The following LRWD1 variants were observed in gnomAD, a reference collection of about 807,000 sequenced individuals.
LRWD1 encodes leucine rich repeats and WD repeat domain containing 1, also known as leucine-rich repeat and WD repeat-containing protein 1.
A neutral mutation model predicts 75.6 loss-of-function variants in LRWD1; 76 were observed. The observed-to-expected ratio is 1.01, with a 90% CI of 0.84 to 1.22. The LOEUF is 1.22. LRWD1 is among the 50% of genes most tolerant of loss of function. The probability of loss-of-function intolerance (pLI) is 0.00; values close to 1 mark genes in which losing one functional copy is unlikely to be tolerated. For synonymous variants in LRWD1, 487 were observed against 377.0 expected (o/e 1.29, Z -3.38); for missense variants, 917 against 862.0 (o/e 1.06, Z -0.80).
rs1798058605 is a variant in LRWD1, at chr7:102,467,800, G to A, written c.655G>A (p.Ala219Thr). Residue 219 changes from alanine to threonine, a missense_variant, in exon 5 of 15, where the codon GCT becomes ACT. Ala to Thr is a moderately conservative substitution (Grantham distance 58, BLOSUM62 0). Coordinates refer to ENST00000292616, the MANE Select transcript of LRWD1 (RefSeq NM_152892.3). ...KANSPEKPPE[A>T]GAAHKPRARL... is the part of the protein sequence containing the mutation. Reference sequence around the variant, plus strand: ...TAACAGCCCAGAGAAGCCCCCAGAAGCTGGAGCTGCCCACAAGCCCAGGGT... The same window carrying A: ...TAACAGCCCAGAGAAGCCCCCAGAAACTGGAGCTGCCCACAAGCCCAGGGT... 1 of 1,550,734 alleles carries A rather than the reference G, an allele frequency of 6.4e-7. No homozygotes were observed. The highest frequency in any genetic ancestry group is 1.2e-5 in the South Asian group (1 of 84,022).
intron 1 of LRWD1, 114 bp from the exon 2 acceptor site, chr7:102,465,703 C>A: frequency 4.2e-6 from 3 of 719,702 alleles, no homozygotes; most frequent in South Asian, 1.7e-5. Flanking sequence ...ATGGGCGGGG[C>A]GGCTACACTT....
In LRWD1 at chr7:102,472,978, G is replaced by A. The variant is rs763680178; in HGVS notation, c.1873G>A (p.Ala625Thr). 5.0e-6 allele frequency: 8 copies of A among 1,613,980 alleles called. No individual in the cohort carries two copies. Among genetic ancestry groups the A allele is most frequent in the East Asian group, 2.2e-5 (1 of 44,890 alleles). Residue 625 changes from alanine to threonine, a missense_variant, in exon 15 of 15, where the codon GCC (alanine) becomes ACC (threonine). Coordinates refer to ENST00000292616, the MANE Select transcript of LRWD1 (RefSeq NM_152892.3). ...CAAGACCATGGTGAACACAGTGGTG[G>A]CCAATGCCTCCTTCACCTACCTCAC... is the stretch of plus-strand genomic sequence containing the variant. ...VTKTMVNTVV[A>T]NASFTYLTAL...
intron 11 of LRWD1, 48 bp from the exon 12 acceptor site, chr7:102,472,168 GCT>G (rs755340945): frequency 6.6e-7 from 1 of 1,525,986 alleles, no homozygotes; most frequent in South Asian, 1.2e-5. Context: ...TGAGTGGGCA[GCT>G]CTCTATCTGC....
rs751790223 is a variant in LRWD1, at chr7:102,468,389, C to T, written c.919+12C>T. 54 of 1,591,056 alleles carry T rather than the reference C, an allele frequency of 3.4e-5. No homozygotes were observed. Among genetic ancestry groups the T allele is most frequent in the African/African-American group, 1.1e-4 (8 of 74,694 alleles). On this transcript the variant is annotated intron_variant, in intron 7 of 14. Coordinates refer to ENST00000292616, the MANE Select transcript of LRWD1 (RefSeq NM_152892.3). Reference sequence around the variant, plus strand: ...GGCCTGGGAGGAGGGTACATGGTGGCGGGCAGGCGGGGCAAGGGCCGCTGG... The same window carrying T: ...GGCCTGGGAGGAGGGTACATGGTGGTGGGCAGGCGGGGCAAGGGCCGCTGG...
chr7:102,472,732 G>A lies in LRWD1; in HGVS notation c.1731G>A (p.Val577=). The change falls in exon 14 of 15, where the codon GTG becomes GTA. Residue 577 remains valine (V), a synonymous_variant. Coordinates refer to ENST00000292616, the MANE Select transcript of LRWD1 (RefSeq NM_152892.3). ...TCTGTGGGGATGAGGAGGGCAACGT[G>A]TGGCTCTACGACGTCAGCAACATCC... The part of the protein sequence containing the change: ...IVLCGDEEGN[V]WLYDVSNILK... 6.2e-7 allele frequency: 1 copy of A among 1,613,552 alleles called. No homozygotes were observed. Among genetic ancestry groups the A allele is most frequent in the Non-Finnish European group, 8.5e-7 (1 of 1,179,962 alleles).
rs866927092 is a variant in LRWD1, at chr7:102,469,490, C to G, written c.1229-84C>G. On this transcript the variant is annotated intron_variant, in intron 9 of 14. Coordinates refer to ENST00000292616, the MANE Select transcript of LRWD1 (RefSeq NM_152892.3). ...GCCTCGGAGGGGCTGGCCTTGGGAC[C>G]GTGGGCTCAGCCTGGGATGCAGCCA... 10 of 1,525,244 alleles carry G rather than the reference C, an allele frequency of 6.6e-6. No homozygotes were observed. In the Middle Eastern group the frequency reaches 6.9e-4, roughly 105 times the overall value. 94.5% of individuals were successfully genotyped at this position (1,525,244 alleles called of 1,614,324 possible).
chr7:102,469,631 A>G lies in LRWD1; in HGVS notation c.1286A>G (p.Tyr429Cys), dbSNP rs772001352. Reference protein sequence around the residue: ...LWDIGVPNQDYEFQASQLLTL... With the variant: ...LWDIGVPNQDCEFQASQLLTL... Reference sequence around the variant, plus strand: ...GACATCGGGGTGCCCAACCAGGACTACGAATTCCAGGCCAGGTGATGCTTC... The same window carrying G: ...GACATCGGGGTGCCCAACCAGGACTGCGAATTCCAGGCCAGGTGATGCTTC... Residue 429 changes from tyrosine (Y) to cysteine (C), a missense_variant, in exon 10 of 15, where the codon TAC becomes TGC. Coordinates refer to ENST00000292616, the MANE Select transcript of LRWD1 (RefSeq NM_152892.3). 1.2e-6 allele frequency: 2 copies of G among 1,614,164 alleles called. No individual in the cohort carries two copies. Among genetic ancestry groups the G allele is most frequent in the Non-Finnish European group, 1.7e-6 (2 of 1,179,998 alleles).
rs150396748 is a variant in LRWD1 at position 102,473,005 on chromosome 7, G to A, written c.1900G>A (p.Ala634Thr). The A allele has an allele frequency of 5.5e-5, 89 of 1,613,818 alleles. No individual in the cohort carries two copies. The Admixed American group carries it at 1.1e-3, about 19-fold the overall frequency. ...VANASFTYLT[A>T]LTDSNIVAIW... The stretch of plus-strand genomic sequence containing the variant: ...CAATGCCTCCTTCACCTACCTCACC[G>A]CCCTGACGGACTCCAACATCGTAGC... Residue 634 changes from alanine to threonine, a missense_variant, in exon 15 of 15, where the codon GCC (alanine) becomes ACC (threonine). Coordinates refer to ENST00000292616, the MANE Select transcript of LRWD1 (RefSeq NM_152892.3).
At chr7:102,469,177 A>G in intron 9 of LRWD1, 115 bp downstream of exon 9, 2 of 887,456 alleles carry the variant, frequency 2.3e-6, no homozygotes, top group South Asian at 3.5e-5. Context: ...GCCGGGCCCC[A>G]GTCTGCACCG....
At chr7:102,467,862 C>T (rs1244440230) in intron 5 of LRWD1, 39 bp downstream of exon 5, 1 of 1,541,526 alleles carries the variant, frequency 6.5e-7, no homozygotes, top group East Asian at 2.5e-5. Flanking sequence ...CAGCCCAGTC[C>T]CTCCTCCCTG....
chr7:102,471,407 G>A (rs1054135170), intron 11 of LRWD1: 1 of 154,436 alleles, frequency 6.5e-6, no homozygotes, highest in Non-Finnish European at 1.5e-5. Context: ...AACAGCCCAG[G>A]AGGAGCTTCG....
intron 3 of LRWD1, among the ~76,000 whole-genome samples, 168 bp from the exon 4 acceptor site, chr7:102,467,171 G>GGGGTGTGT (rs1245223810): frequency 4.0e-5 from 4 of 99,116 alleles, no homozygotes; most frequent in African/African-American, 8.8e-5. Flanking sequence ...GTGTGTGTGG[G>GGGGTGTGT]GTGTGTGTGT....
rs1428323338 is a variant in LRWD1 at position 102,469,465 on chromosome 7, G to A, written c.1229-109G>A. On this transcript the variant is annotated intron_variant, in intron 9 of 14. Coordinates refer to ENST00000292616, the MANE Select transcript of LRWD1 (RefSeq NM_152892.3). The stretch of plus-strand genomic sequence containing the variant: ...CTCCTAGCCTCGGCCCGCCCTCCCC[G>A]CCTCGGAGGGGCTGGCCTTGGGACC... The A allele has an allele frequency of 2.8e-5, 36 of 1,283,744 alleles. No homozygotes were observed. In the Admixed American group the frequency reaches 3.7e-4, roughly 13 times the overall value. 79.5% of individuals were successfully genotyped at this position (1,283,744 alleles called of 1,614,324 possible).
At chr7:102,468,211 G>C (rs1157240062) in intron 6 of LRWD1, 24 bp downstream of exon 6, 1 of 1,604,498 alleles carries the variant, frequency 6.2e-7, no homozygotes. Context: ...GCAAGGAGCA[G>C]GTGGCAGATG....
chr7:102,471,924 G>C, intron 11 of LRWD1: 1 of 390,244 alleles, frequency 2.6e-6, no homozygotes, highest in Non-Finnish European at 4.8e-6. Context: ...CTCGGTCCCA[G>C]AGGCACTGGC....
intron 3 of LRWD1, 61 bp from the exon 4 acceptor site, chr7:102,467,278 G>A: frequency 6.5e-7 from 1 of 1,536,226 alleles, no homozygotes; most frequent in Non-Finnish European, 8.8e-7. Flanking sequence ...CCCTGAGATG[G>A]AGGGCTGGGT....
intron 1 of LRWD1, 60 bp downstream of exon 1, chr7:102,465,220 C>A: frequency 7.4e-7 from 1 of 1,359,846 alleles, no homozygotes; most frequent in South Asian, 1.7e-5. Flanking sequence ...GGGAGAAGAG[C>A]GGGGACCCTC....
At position 102,467,070 on chromosome 7, in the gene LRWD1, G is replaced by GGTGTGTGTGTGT. The variant is rs59522694; in HGVS notation, c.433-254_433-243dup. ...GACTATAGGCACCTGGGTTGTTGCT[G>GGTGTGTGTGTGT]GTGTGTGTGTGTGTGTGTGTGTGTG... On this transcript the variant is annotated intron_variant, in intron 3 of 14. Coordinates refer to ENST00000292616, the MANE Select transcript of LRWD1 (RefSeq NM_152892.3). Among the ~76,000 whole-genome samples the GGTGTGTGTGTGT allele has an allele frequency of 6.1e-4, 81 of 133,588 alleles. 2 individuals are homozygous for GGTGTGTGTGTGT. Among genetic ancestry groups the GGTGTGTGTGTGT allele is most frequent in the African/African-American group, 1.7e-3 (59 of 34,844 alleles). The allele number at this position is 133,588 out of a possible 152,430, so 87.6% of individuals were successfully genotyped here.
Position 102,465,917 on chromosome 7 carries a change from A to G in LRWD1, c.181A>G (p.Thr61Ala). The part of the protein sequence containing the change: ...ELDLSNNHLE[T>A]LPDNLGLSHL... ...TGACCTGTCTAACAACCACCTGGAG[A>G]CGCTGCCGGACAACCTGGGCCTGTC... is the stretch of plus-strand genomic sequence containing the variant. Residue 61 changes from threonine to alanine, a missense_variant, in exon 2 of 15, where the codon ACG becomes GCG. Transcript: ENST00000292616. The G allele has an allele frequency of 6.2e-7, 1 of 1,613,678 alleles. No individual in the cohort carries two copies. The highest frequency in any genetic ancestry group is 8.5e-7 in the Non-Finnish European group (1 of 1,179,994).
Sources: gnomAD v4.1 joint callset for allele counts (sites outside exome capture counted in the v4.1 genomes callset) on GRCh38, gnomAD v4.1.1 for gene constraint, MANE v1.5 for transcripts, NCBI Gene and HGNC (gene_info 2026-07-23, HGNC 2026-07-21) for gene names.